The following C13orf42 variants were observed in gnomAD, a reference collection of about 807,000 sequenced individuals.
The protein encoded by C13orf42 is uncharacterized protein C13orf42.
chr13:51,101,917 GGGA>G (rs1273820449), intron 1 of C13orf42, among the ~76,000 whole-genome samples: 3 of 152,190 alleles, frequency 2.0e-5, no homozygotes, highest in African/African-American at 7.2e-5. Flanking sequence ...AGAGAAAAAA[GGGA>G]GGAGGAAGTA....
intron 1 of C13orf42, among the ~76,000 whole-genome samples, chr13:51,164,422 G>C (rs890170008): frequency 1.3e-5 from 2 of 152,212 alleles, no homozygotes; most frequent in Admixed American, 1.3e-4. Context: ...AGCACTTTGG[G>C]AAGTTGACGC....
intron 1 of C13orf42, among the ~76,000 whole-genome samples, chr13:51,107,703 C>T (rs553373862): frequency 6.6e-6 from 1 of 152,310 alleles, no homozygotes; most frequent in East Asian, 1.9e-4. Context: ...TATAAAGCAT[C>T]TACAAATGAT....
Position 51,128,518 on chromosome 13 carries a change from T to G in C13orf42, n.137-15296A>C, listed in dbSNP as rs1953592351. Among the ~76,000 whole-genome samples the G allele has an allele frequency of 2.6e-5, 4 of 152,286 alleles. 1 individual carries two copies. In the South Asian group the frequency reaches 8.3e-4, roughly 32 times the overall value. The stretch of plus-strand genomic sequence containing the variant: ...AACTTAGGGGAGTTAAAGTCTCTCC[T>G]AAGACAGAATGGGCTAAAGGCCCCA... On this transcript the variant is annotated intron_variant and non_coding_transcript_variant, in intron 1 of 4. Transcript: ENST00000433280.
chr13:51,141,976 A>T (rs1343877410), intron 1 of C13orf42, among the ~76,000 whole-genome samples: 1 of 152,222 alleles, frequency 6.6e-6, no homozygotes, highest in Non-Finnish European at 1.5e-5. Flanking sequence ...TTTATTAATC[A>T]GGCAATTTCA....
At chr13:51,167,775 C>T (rs1953913601) in intron 1 of C13orf42, among the ~76,000 whole-genome samples, 1 of 152,150 alleles carries the variant, frequency 6.6e-6, no homozygotes, top group South Asian at 2.1e-4. Context: ...TGGGCCTCGG[C>T]TAATCAACTC....
At chr13:51,097,876 A>G (rs1953251794) in intron 1 of C13orf42, among the ~76,000 whole-genome samples, 1 of 152,128 alleles carries the variant, frequency 6.6e-6, no homozygotes, top group South Asian at 2.1e-4. Context: ...TCAGCCCTGA[A>G]GTAGCCCAGG....
At chr13:51,093,075 T>C (rs1021265648) in intron 1 of C13orf42, among the ~76,000 whole-genome samples, 1 of 152,222 alleles carries the variant, frequency 6.6e-6, no homozygotes, top group Non-Finnish European at 1.5e-5. Context: ...AGGAAGTACC[T>C]AGTTTATGTT....
At position 51,123,919 on chromosome 13, in the gene C13orf42, C is replaced by T. The variant is rs547691424; in HGVS notation, n.137-10697G>A. Among the ~76,000 whole-genome samples the T allele has an allele frequency of 2.2e-4, 33 of 152,170 alleles. No homozygotes were observed. In the South Asian group the frequency reaches 6.9e-3, roughly 32 times the overall value. On this transcript the variant is annotated intron_variant and non_coding_transcript_variant, in intron 1 of 4. Transcript: ENST00000433280. The stretch of plus-strand genomic sequence containing the variant: ...GTTTATAGTTTAAAGCTAAACTGTC[C>T]CCGTAAAACAAATGAAAAGCTACCA...
chr13:51,142,144 A>G (rs1018955177), intron 1 of C13orf42, among the ~76,000 whole-genome samples: 3 of 152,234 alleles, frequency 2.0e-5, no homozygotes, highest in African/African-American at 7.2e-5. Flanking sequence ...GAATTTAGTA[A>G]TATTACCATA....
chr13:51,110,980 C>T lies in C13orf42; in HGVS notation c.230G>A (p.Trp77Ter). Residue 77 changes from tryptophan to a stop codon, truncating the protein, a stop_gained, in exon 1 of 4, where the codon TGG becomes TAG. Coordinates refer to ENST00000563710, the MANE Select transcript of C13orf42 (RefSeq NM_001351589.3). LOFTEE classifies it high-confidence loss of function. The stretch of plus-strand genomic sequence containing the variant: ...GCAGTCCTGGGTGCGCGAATACATC[C>T]ACGCCCGGTCCTCCTCCTGCCGCAG... Reference protein sequence around the residue: ...YYLRQEEDRAWMYSRTQDCLQ... With the variant: ...YYLRQEEDRA The T allele has an allele frequency of 2.5e-6, 1 of 398,680 alleles. No individual in the cohort carries two copies. The highest frequency in any genetic ancestry group is 3.6e-5 in the East Asian group (1 of 28,064). 24.7% of individuals were successfully genotyped at this position (398,680 alleles called of 1,614,324 possible).
intron 1 of C13orf42, among the ~76,000 whole-genome samples, chr13:51,124,808 A>G (rs1304468568): frequency 6.6e-6 from 1 of 152,166 alleles, no homozygotes; most frequent in Non-Finnish European, 1.5e-5. Flanking sequence ...AGCTGCTTCC[A>G]TGACCTTCCA....
intron 1 of C13orf42, among the ~76,000 whole-genome samples, chr13:51,097,473 G>A (rs1345716581): frequency 6.6e-6 from 1 of 152,080 alleles, no homozygotes; most frequent in Non-Finnish European, 1.5e-5. Flanking sequence ...TACCAGTCAG[G>A]GGCTGAGCCT....
chr13:51,113,273 T>C (rs1052309671), upstream of C13orf42: 2 of 152,184 alleles, frequency 1.3e-5, no homozygotes, highest in African/African-American at 4.8e-5. Context: ...TGCAGAACAT[T>C]TCGTGAACAC....
chr13:51,139,972 C>T lies in C13orf42; in HGVS notation n.137-26750G>A, dbSNP rs976351591. ...GAACCCTCTCTTGGGGTCTGGATTG[C>T]GACCCTTTTTTGGTAAGAAGTGTGA... On this transcript the variant is annotated intron_variant and non_coding_transcript_variant, in intron 1 of 4. Transcript: ENST00000433280. Among the ~76,000 whole-genome samples the T allele has an allele frequency of 3.3e-5, 5 of 152,210 alleles. 1 individual carries two copies. The highest frequency in any genetic ancestry group is 6.8e-3 in the Middle Eastern group (2 of 294).
At chr13:51,119,363 C>G (rs1470569215) in intron 1 of C13orf42, among the ~76,000 whole-genome samples, 1 of 152,080 alleles carries the variant, frequency 6.6e-6, no homozygotes, top group Admixed American at 6.5e-5. Flanking sequence ...CAGGTGATAT[C>G]AGTGGGTGTG....
At chr13:51,116,257 T>C (rs1220966505), upstream of C13orf42, among the ~76,000 whole-genome samples, 3 of 151,930 alleles carry the variant, frequency 2.0e-5, no homozygotes, top group African/African-American at 7.3e-5. Flanking sequence ...CGTCTGACAA[T>C]GGGAGGTAGG....
chr13:51,162,022 TGCCAGCAGCAG>T, intron 1 of C13orf42: 1 of 397,864 alleles, frequency 2.5e-6, no homozygotes, highest in Non-Finnish European at 5.0e-6. Context: ...GAAGCCTGCA[TGCCAGCAGCAG>T]GCCAGTACAA....
At chr13:51,110,082 G>A (rs537683177) in intron 1 of C13orf42, among the ~76,000 whole-genome samples, 38 of 152,310 alleles carry the variant, frequency 2.5e-4, no homozygotes, top group African/African-American at 9.1e-4. Flanking sequence ...CTCTCTCCGT[G>A]TCTATGCCTG....
intron 1 of C13orf42, among the ~76,000 whole-genome samples, chr13:51,144,570 A>G (rs1365988925): frequency 6.6e-6 from 1 of 152,214 alleles, no homozygotes; most frequent in African/African-American, 2.4e-5. Context: ...CTTTGACTGG[A>G]ATGATGTGCT....
Sources: allele counts gnomAD v4.1 joint callset (sites outside exome capture counted in the v4.1 genomes callset), GRCh38; gene constraint gnomAD v4.1.1; transcripts MANE v1.5; gene names NCBI Gene and HGNC (gene_info 2026-07-23, HGNC 2026-07-21).